Variants in CHODL observed in about 807,000 individuals in gnomAD.
The protein encoded by CHODL is chondrolectin, also known as transmembrane protein MT75.
CHODL carries 29 observed loss-of-function variants against 34.5 expected under a neutral mutation model. The observed-to-expected ratio is 0.84, with a 90% CI of 0.63 to 1.15. The LOEUF (loss-of-function observed/expected upper bound fraction) is 1.15. Among genes scored for constraint, CHODL ranks in the 50% most tolerant of loss-of-function variants. CHODL has a pLI of 0.00. For missense variants in CHODL, 332 were observed against 332.5 expected (o/e 1.00, Z 0.01); for synonymous variants, 125 against 116.1 (o/e 1.08, Z -0.49).
intron 1 of CHODL, among the ~76,000 whole-genome samples, chr21:17,973,417 C>CTTTTTTTT (rs3077803): frequency 1.6e-5 from 2 of 123,494 alleles, no homozygotes; most frequent in Admixed American, 8.7e-5. Flanking sequence ...TTCTTTCTTT[C>CTTTTTTTT]TTTTTTTTTT....
intron 2 of CHODL, among the ~76,000 whole-genome samples, chr21:18,234,188 C>T (rs1033681646): frequency 3.9e-5 from 6 of 152,126 alleles, no homozygotes; most frequent in African/African-American, 1.2e-4. Flanking sequence ...GCTACTTTTA[C>T]TCTGTGACCG....
intron 2 of CHODL, among the ~76,000 whole-genome samples, chr21:18,136,117 AAGAAAAAG>A (rs2072722369): frequency 7.1e-6 from 1 of 140,220 alleles, no homozygotes; most frequent in African/African-American, 2.7e-5. Context: ...AAAAAAAAAA[AAGAAAAAG>A]AAAAAAAAGA....
intron 2 of CHODL, among the ~76,000 whole-genome samples, chr21:18,178,249 C>T (rs1181854684): frequency 6.6e-6 from 1 of 152,120 alleles, no homozygotes; most frequent in African/African-American, 2.4e-5. Context: ...TACAGTATTT[C>T]CTTAGATTTT....
intron 2 of CHODL, among the ~76,000 whole-genome samples, chr21:18,052,866 CTGACA>C (rs2064533117): frequency 6.7e-6 from 1 of 148,538 alleles, no homozygotes; most frequent in African/African-American, 2.6e-5. Flanking sequence ...ACTATTCTGG[CTGACA>C]TGTTTAAGCG....
intron 2 of CHODL, among the ~76,000 whole-genome samples, chr21:18,030,687 T>G (rs113128043): frequency 0.015 from 2,261 of 152,244 alleles, 55 homozygotes; most frequent in Middle Eastern, 0.048. Flanking sequence ...GGGATCGGAC[T>G]GAAGACAGTG....
At position 18,262,936 on chromosome 21, in the gene CHODL, A is replaced by G. The variant is rs747791201; in HGVS notation, c.737+43A>G. On this transcript the variant is annotated intron_variant, in intron 5 of 5. Transcript: ENST00000299295. ...GTAGAGACAATTTGAAAAACTTTAA[A>G]TAGGTTTTCAGAAATGTTTTAAAAC... is the stretch of plus-strand genomic sequence containing the variant. The G allele has an allele frequency of 1.1e-5, 12 of 1,091,058 alleles. No homozygotes were observed. In the South Asian group the frequency reaches 1.3e-4, roughly 12 times the overall value. 67.6% of individuals were successfully genotyped at this position (1,091,058 alleles called of 1,614,324 possible).
At chr21:18,042,698 A>G (rs1015400489) in intron 2 of CHODL, among the ~76,000 whole-genome samples, 1 of 151,990 alleles carries the variant, frequency 6.6e-6, no homozygotes, top group Non-Finnish European at 1.5e-5. Flanking sequence ...CTTGATGTGC[A>G]TAAACTTTCA....
At chr21:18,238,260 A>G (rs554514652) in intron 2 of CHODL, among the ~76,000 whole-genome samples, 1 of 152,106 alleles carries the variant, frequency 6.6e-6, no homozygotes, top group African/African-American at 2.4e-5. Flanking sequence ...TGCTGCTGAT[A>G]AAGACATACC....
chr21:18,018,866 C>G (rs1273217340), intron 1 of CHODL, among the ~76,000 whole-genome samples: 1 of 152,144 alleles, frequency 6.6e-6, no homozygotes, highest in Non-Finnish European at 1.5e-5. Flanking sequence ...GCAGTTATGC[C>G]AAATACTCTC....
At chr21:18,238,596 G>A (rs1192295284) in intron 2 of CHODL, among the ~76,000 whole-genome samples, 5 of 152,068 alleles carry the variant, frequency 3.3e-5, no homozygotes, top group Non-Finnish European at 7.4e-5. Context: ...ATGTGGTTAT[G>A]TGAAAGTTCA....
At chr21:17,962,821 T>C (rs1283497852) in intron 1 of CHODL, among the ~76,000 whole-genome samples, 1 of 152,040 alleles carries the variant, frequency 6.6e-6, no homozygotes, top group African/African-American at 2.4e-5. Context: ...CCCAGCACTT[T>C]GGGAGGCTGA....
intron 2 of CHODL, among the ~76,000 whole-genome samples, chr21:18,228,069 T>A (rs1325624950): frequency 6.6e-6 from 1 of 152,184 alleles, no homozygotes; most frequent in Admixed American, 6.6e-5. Flanking sequence ...ATACTGCCAT[T>A]TGTCCACTGT....
intron 2 of CHODL, among the ~76,000 whole-genome samples, chr21:18,091,481 C>G (rs1381216323): frequency 1.3e-5 from 2 of 152,162 alleles, no homozygotes; most frequent in Non-Finnish European, 2.9e-5. Flanking sequence ...GAGAGGAGAG[C>G]AAAGTGTATG....
chr21:18,187,044 G>A (rs978377926), intron 2 of CHODL, among the ~76,000 whole-genome samples: 5 of 152,124 alleles, frequency 3.3e-5, no homozygotes, highest in East Asian at 1.9e-4. Flanking sequence ...AAAAGTTACT[G>A]TACTATAATA....
intron 1 of CHODL, among the ~76,000 whole-genome samples, chr21:17,940,401 T>C (rs1179829650): frequency 6.6e-6 from 1 of 152,194 alleles, no homozygotes; most frequent in African/African-American, 2.4e-5. Flanking sequence ...CTATAAATTA[T>C]AGTGAACTAA....
At chr21:17,973,417 C>CTTT (rs3077803) in intron 1 of CHODL, among the ~76,000 whole-genome samples, 12 of 123,460 alleles carry the variant, frequency 9.7e-5, no homozygotes, top group East Asian at 2.2e-4. Flanking sequence ...TTCTTTCTTT[C>CTTT]TTTTTTTTTT....
chr21:18,012,674 T>C (rs1600893897), intron 1 of CHODL, among the ~76,000 whole-genome samples: 1 of 152,204 alleles, frequency 6.6e-6, no homozygotes, highest in Non-Finnish European at 1.5e-5. Flanking sequence ...TTACAAAATA[T>C]CTTGCATTAA....
intron 2 of CHODL, among the ~76,000 whole-genome samples, chr21:18,202,694 A>T (rs1456632443): frequency 6.6e-6 from 1 of 152,192 alleles, no homozygotes; most frequent in Non-Finnish European, 1.5e-5. Flanking sequence ...GCATGTAACC[A>T]CAAAATTAGT....
intron 2 of CHODL, among the ~76,000 whole-genome samples, chr21:18,055,797 G>T (rs904875428): frequency 1.3e-5 from 2 of 152,000 alleles, no homozygotes; most frequent in Admixed American, 1.3e-4. Context: ...CAGAACATAG[G>T]GGGAGAGTAG....
Sources: allele counts gnomAD v4.1 joint callset (sites outside exome capture counted in the v4.1 genomes callset), GRCh38; gene constraint gnomAD v4.1.1; transcripts MANE v1.5; gene names NCBI Gene and HGNC (gene_info 2026-07-23, HGNC 2026-07-21).